Variants in EPM2A observed in about 807,000 individuals in gnomAD.
The protein encoded by EPM2A is laforin.
In EPM2A, 21 loss-of-function variants were observed where a neutral mutation model predicts 26.5. The observed-to-expected ratio is 0.79, with a 90% confidence interval of 0.56 to 1.14. The LOEUF is 1.14. Among genes scored for constraint, EPM2A ranks in the 50% most tolerant of loss-of-function variants. The probability of loss-of-function intolerance (pLI) is 0.00; values close to 1 mark genes in which losing one functional copy is unlikely to be tolerated. For synonymous variants in EPM2A, 217 were observed against 177.6 expected (o/e 1.22, Z -1.76); for missense variants, 458 against 440.8 (o/e 1.04, Z -0.35).
chr6:145,497,484 C>A (rs1779836363), downstream of EPM2A, among the ~76,000 whole-genome samples: 1 of 152,170 alleles, frequency 6.6e-6, no homozygotes, highest in Admixed American at 6.5e-5. Flanking sequence ...CGCTGGAGAC[C>A]CTGGTTAGGA....
At chr6:145,686,503 T>A (rs1780927163) in intron 1 of EPM2A, among the ~76,000 whole-genome samples, 1 of 152,186 alleles carries the variant, frequency 6.6e-6, no homozygotes, top group Non-Finnish European at 1.5e-5. Flanking sequence ...CAGAGTTTTT[T>A]ACTCCCTTTG....
chr6:145,416,023 C>A (rs993675213), intron 4 of EPM2A, among the ~76,000 whole-genome samples: 4 of 152,210 alleles, frequency 2.6e-5, no homozygotes, highest in East Asian at 1.9e-4. Context: ...CTGGGCCCTG[C>A]AGCTGAATGG....
At chr6:145,689,594 CA>C (rs1355179812) in intron 1 of EPM2A, among the ~76,000 whole-genome samples, 1 of 152,128 alleles carries the variant, frequency 6.6e-6, no homozygotes, top group Non-Finnish European at 1.5e-5. Context: ...GAAAACATGA[CA>C]AAAGTCCATT....
At chr6:145,445,588 C>A (rs1779119320) in intron 4 of EPM2A, among the ~76,000 whole-genome samples, 1 of 152,094 alleles carries the variant, frequency 6.6e-6, no homozygotes, top group African/African-American at 2.4e-5. Flanking sequence ...AGCCATTTTT[C>A]TTGAATAAGC....
At chr6:145,595,539 T>G (rs1470305233) in intron 2 of EPM2A, among the ~76,000 whole-genome samples, 1 of 151,994 alleles carries the variant, frequency 6.6e-6, no homozygotes, top group Non-Finnish European at 1.5e-5. Flanking sequence ...TTACACACTC[T>G]TTTCATAGAC....
At chr6:145,512,562 A>C (rs1780068390) in intron 2 of EPM2A, among the ~76,000 whole-genome samples, 1 of 151,770 alleles carries the variant, frequency 6.6e-6, no homozygotes, top group South Asian at 2.1e-4. Flanking sequence ...AAATACAAAA[A>C]TTAGCCGGCT....
intron 4 of EPM2A, among the ~76,000 whole-genome samples, chr6:145,465,453 G>T (rs1779376840): frequency 6.6e-6 from 1 of 151,972 alleles, no homozygotes; most frequent in African/African-American, 2.4e-5. Flanking sequence ...ATTGTCTGAA[G>T]CCTTCTTCTC....
downstream of EPM2A, among the ~76,000 whole-genome samples, chr6:145,620,339 C>A (rs1354439719): frequency 6.6e-6 from 1 of 152,110 alleles, no homozygotes; most frequent in South Asian, 2.1e-4. Flanking sequence ...GCTGATCTGA[C>A]AGGAGGCAGA....
chr6:145,497,932 C>T (rs868053011), downstream of EPM2A, among the ~76,000 whole-genome samples: 3 of 152,300 alleles, frequency 2.0e-5, no homozygotes, highest in Non-Finnish European at 2.9e-5. Flanking sequence ...TCCTCTCCTC[C>T]CAGGTACTTC....
intron 2 of EPM2A, among the ~76,000 whole-genome samples, chr6:145,586,877 G>A (rs753996850): frequency 8.5e-5 from 13 of 152,060 alleles, no homozygotes; most frequent in Non-Finnish European, 1.9e-4. Flanking sequence ...GGTCCTTACC[G>A]GCAATCTCCT....
At chr6:145,436,210 G>A (rs1426486379) in intron 4 of EPM2A, among the ~76,000 whole-genome samples, 4 of 152,148 alleles carry the variant, frequency 2.6e-5, no homozygotes, top group African/African-American at 9.7e-5. Flanking sequence ...ATGTTGCATT[G>A]TACAGATATA....
chr6:145,432,152 C>T (rs1283366163), intron 4 of EPM2A, among the ~76,000 whole-genome samples: 1 of 152,170 alleles, frequency 6.6e-6, no homozygotes, highest in East Asian at 1.9e-4. Context: ...AGTCTTGAAC[C>T]TCCCAAAGTC....
intron 4 of EPM2A, among the ~76,000 whole-genome samples, chr6:145,486,166 C>T (rs1367488923): frequency 6.6e-6 from 1 of 152,310 alleles, no homozygotes; most frequent in South Asian, 2.1e-4. Context: ...CAAATAGAAC[C>T]TTCCAGAGGG....
intron 2 of EPM2A, among the ~76,000 whole-genome samples, chr6:145,620,109 T>C (rs945573838): frequency 6.6e-6 from 1 of 152,210 alleles, no homozygotes; most frequent in African/African-American, 2.4e-5. Flanking sequence ...TGAAATTGTT[T>C]AGACCAGTGG....
At chr6:145,491,235 G>C (rs375873) in intron 4 of EPM2A, 3 of 384,710 alleles carry the variant, frequency 7.8e-6, no homozygotes, top group African/African-American at 6.3e-5. Flanking sequence ...GGTGTGCAGG[G>C]GCTGGGGCTA....
intron 2 of EPM2A, among the ~76,000 whole-genome samples, chr6:145,596,877 CTTTTTTTTTTTTT>C (rs869211299): frequency 1.1e-4 from 8 of 73,498 alleles, no homozygotes; most frequent in Non-Finnish European, 1.2e-4. Context: ...TCTCCGAGAT[CTTTTTTTTTTTTT>C]TTTTTTTTTT....
chr6:145,485,719 T>C (rs1456361443), intron 4 of EPM2A, among the ~76,000 whole-genome samples: 1 of 152,186 alleles, frequency 6.6e-6, no homozygotes, highest in East Asian at 1.9e-4. Flanking sequence ...TTCATGATGC[T>C]GATAAAGACA....
chr6:145,571,850 G>T (rs1029478898), intron 2 of EPM2A, among the ~76,000 whole-genome samples: 3 of 152,194 alleles, frequency 2.0e-5, no homozygotes, highest in Non-Finnish European at 4.4e-5. Flanking sequence ...CACAGAATGG[G>T]TCATCCTATC....
At chr6:145,436,535 C>A (rs146465015) in intron 4 of EPM2A, among the ~76,000 whole-genome samples, 2 of 152,180 alleles carry the variant, frequency 1.3e-5, no homozygotes, top group East Asian at 3.9e-4. Flanking sequence ...TGTTAACATC[C>A]TAGGGGGTGT....
Sources: allele counts gnomAD v4.1 joint callset (sites outside exome capture counted in the v4.1 genomes callset), GRCh38; gene constraint gnomAD v4.1.1; transcripts MANE v1.5; gene names NCBI Gene and HGNC (gene_info 2026-07-23, HGNC 2026-07-21).